BCL10: variants seen among roughly 807,000 people sequenced by gnomAD.
BCL10 encodes the protein B-cell lymphoma/leukemia 10.
In BCL10, 5 loss-of-function variants were observed where a neutral mutation model predicts 19.2. That is an observed-to-expected ratio of 0.26 (90% CI 0.14 to 0.55). The LOEUF (loss-of-function observed/expected upper bound fraction) is 0.55. Among genes scored for constraint, BCL10 ranks in the 20% least tolerant of loss-of-function variants. BCL10 has a pLI of 0.94. For synonymous variants in BCL10, 110 were observed against 98.8 expected, an observed-to-expected ratio of 1.11 and a Z score of -0.67; for missense variants, 201 against 271.9, an observed-to-expected ratio of 0.74 and a Z score of 1.83.
intron 1 of BCL10, among the ~76,000 whole-genome samples, chr1:85,275,844 G>A (rs1660508308): frequency 6.6e-6 from 1 of 152,168 alleles, no homozygotes; most frequent in African/African-American, 2.4e-5. Context: ...GCTTCCTCAA[G>A]CCCCCTTATG....
In BCL10 at chr1:85,267,260, A is replaced by G. The variant is rs1660225553; in HGVS notation, c.*367T>C. The G allele has an allele frequency of 4.4e-6, 1 of 229,084 alleles. No homozygotes were observed. The highest frequency in any genetic ancestry group is 2.2e-5 in the African/African-American group (1 of 44,696). The allele number at this position is 229,084 out of a possible 1,614,324, so 14.2% of individuals were successfully genotyped here. ...CTGAATGACTGGCAAAGACTATTAGACTCTTGAAAATTTCTAGCACAAATG... is the reference window on the plus strand; with the variant it reads ...CTGAATGACTGGCAAAGACTATTAGGCTCTTGAAAATTTCTAGCACAAATG... On this transcript the variant is annotated 3_prime_UTR_variant, in exon 3 of 3. Transcript: ENST00000648566.
rs926105268 is a variant in BCL10, at chr1:85,265,954, C to T, written c.*1673G>A. On this transcript the variant is annotated 3_prime_UTR_variant, in exon 3 of 3. Coordinates refer to ENST00000648566, the MANE Select transcript of BCL10 (RefSeq NM_003921.5). ...AAGTCTGCTTCTGCTTTTTAAAGCACCTTCCTTAAATGTAACCTATTTTCT... is the reference window on the plus strand; with the variant it reads ...AAGTCTGCTTCTGCTTTTTAAAGCATCTTCCTTAAATGTAACCTATTTTCT... 1.3e-5 allele frequency among the ~76,000 whole-genome samples: 2 copies of T among 152,166 alleles called. No homozygotes were observed.
intron 2 of BCL10, among the ~76,000 whole-genome samples, chr1:85,268,477 C>T (rs569982108): frequency 6.2e-4 from 94 of 152,028 alleles, no homozygotes; most frequent in Admixed American, 1.8e-3. Context: ...TTATTAAAGA[C>T]GAGAAAAAAG....
rs1660230083 is a variant in BCL10, at chr1:85,267,440, T to C, written c.*187A>G. The C allele has an allele frequency of 2.0e-6, 1 of 500,896 alleles. No homozygotes were observed. Among genetic ancestry groups the C allele is most frequent in the Non-Finnish European group, 3.4e-6 (1 of 291,030 alleles). The allele number at this position is 500,896 out of a possible 1,614,324, so 31.0% of individuals were successfully genotyped here. A position where few individuals can be genotyped will look rare whatever the true frequency, so the allele number is the denominator to read the frequency against. ...ATTACTAAAAAGTACATGATCAACATGATTTACAGTTAGCTATCCTAGAAG... is the reference window on the plus strand; with the variant it reads ...ATTACTAAAAAGTACATGATCAACACGATTTACAGTTAGCTATCCTAGAAG... On this transcript the variant is annotated 3_prime_UTR_variant, in exon 3 of 3. Coordinates refer to ENST00000648566, the MANE Select transcript of BCL10 (RefSeq NM_003921.5).
chr1:85,276,443 G>T lies in BCL10; in HGVS notation c.-91C>A. On this transcript the variant is annotated 5_prime_UTR_variant, in exon 1 of 3. Transcript: ENST00000648566. Reference sequence around the variant, plus strand: ...TGGGGGCTTCGGCCTCCGGGTAATGGGGAAGAAGGAGAGGAGGCGGAGCGG... The same window carrying T: ...TGGGGGCTTCGGCCTCCGGGTAATGTGGAAGAAGGAGAGGAGGCGGAGCGG... The T allele has an allele frequency of 6.9e-7, 1 of 1,446,374 alleles. No homozygotes were observed. Among genetic ancestry groups the T allele is most frequent in the Non-Finnish European group, 9.7e-7 (1 of 1,033,614 alleles). 89.6% of individuals were successfully genotyped at this position (1,446,374 alleles called of 1,614,324 possible).
Position 85,276,411 on chromosome 1 carries a change from C to G in BCL10, c.-59G>C. The stretch of plus-strand genomic sequence containing the variant: ...CGGGAGCTCGGGCTGCGCCGCCCCG[C>G]CCTGGCTGGGGGCTTCGGCCTCCGG... On this transcript the variant is annotated 5_prime_UTR_variant, in exon 1 of 3. Transcript: ENST00000648566. 6.3e-7 allele frequency: 1 copy of G among 1,589,842 alleles called. No homozygotes were observed. The highest frequency in any genetic ancestry group is 2.2e-5 in the East Asian group (1 of 44,716).
Position 85,276,161 on chromosome 1 carries a change from G to A in BCL10, c.57+135C>T. Reference sequence around the variant, plus strand: ...TCCCTCGGATGCAGGGCTCGCCACAGTCCTCCTGTGCTAGGACTTTCCGCT... The same window carrying A: ...TCCCTCGGATGCAGGGCTCGCCACAATCCTCCTGTGCTAGGACTTTCCGCT... On this transcript the variant is annotated intron_variant, in intron 1 of 2. Transcript: ENST00000648566. The A allele has an allele frequency of 1.7e-5, 19 of 1,106,442 alleles. No individual in the cohort carries two copies. In the South Asian group the frequency reaches 2.5e-4, roughly 14 times the overall value. 68.5% of individuals were successfully genotyped at this position (1,106,442 alleles called of 1,614,324 possible).
chr1:85,270,962 A>C, intron 1 of BCL10, 56 bp from the exon 2 acceptor site: 3 of 1,526,016 alleles, frequency 2.0e-6, no homozygotes, highest in Non-Finnish European at 2.7e-6. Flanking sequence ...AAAATCACAT[A>C]CGTGACTATT....
At chr1:85,273,119 G>A (rs778193166) in intron 1 of BCL10, among the ~76,000 whole-genome samples, 2 of 152,106 alleles carry the variant, frequency 1.3e-5, no homozygotes, top group Non-Finnish European at 2.9e-5. Flanking sequence ...TAGGCACCCC[G>A]TCCTCTGTCC....
chr1:85,272,810 A>G (rs1660403146), intron 1 of BCL10, among the ~76,000 whole-genome samples: 1 of 152,138 alleles, frequency 6.6e-6, no homozygotes, highest in African/African-American at 2.4e-5. Context: ...AGGAGGACTA[A>G]ATGGGAATAC....
intron 1 of BCL10, among the ~76,000 whole-genome samples, chr1:85,273,384 C>A (rs1660419294): frequency 2.6e-5 from 4 of 152,156 alleles, no homozygotes; most frequent in Admixed American, 1.3e-4. Flanking sequence ...TCTTCCCATC[C>A]CTGTGGATAC....
At chr1:85,271,931 G>A (rs1660379053) in intron 1 of BCL10, among the ~76,000 whole-genome samples, 1 of 152,166 alleles carries the variant, frequency 6.6e-6, no homozygotes, top group Non-Finnish European at 1.5e-5. Flanking sequence ...TATGCCGAGT[G>A]CTGAGCACTG....
chr1:85,268,768 C>CAAAAA (rs57560275), intron 2 of BCL10, among the ~76,000 whole-genome samples: 2 of 67,070 alleles, frequency 3.0e-5, no homozygotes, highest in Admixed American at 1.6e-4. Flanking sequence ...GACTCCGTCT[C>CAAAAA]AAAAAAAAAA....
chr1:85,274,652 T>G (rs886217930), intron 1 of BCL10, among the ~76,000 whole-genome samples: 40 of 152,144 alleles, frequency 2.6e-4, no homozygotes, highest in African/African-American at 7.7e-4. Flanking sequence ...TTTGACAAGG[T>G]GAGCAATCTG....
chr1:85,270,449 T>G (rs1660339333), intron 2 of BCL10, among the ~76,000 whole-genome samples, 169 bp downstream of exon 2: 1 of 152,168 alleles, frequency 6.6e-6, no homozygotes, highest in South Asian at 2.1e-4. Flanking sequence ...ATTTTTTAAT[T>G]TTTTGTAGAG....
At chr1:85,274,508 T>G (rs1660457585) in intron 1 of BCL10, among the ~76,000 whole-genome samples, 1 of 151,976 alleles carries the variant, frequency 6.6e-6, no homozygotes, top group Non-Finnish European at 1.5e-5. Flanking sequence ...GGCAAATAAC[T>G]AGATAGGAGG....
At position 85,276,481 on chromosome 1, in the gene BCL10, A is replaced by C; in HGVS notation, c.-129T>G. Reference sequence around the variant, plus strand: ...GGAGGCGGAGCGGGTCGGGAGAAAGACGGCCGCCCCTTCGGGAACAGAGGG... The same window carrying C: ...GGAGGCGGAGCGGGTCGGGAGAAAGCCGGCCGCCCCTTCGGGAACAGAGGG... On this transcript the variant is annotated 5_prime_UTR_variant, in exon 1 of 3. Transcript: ENST00000648566. 9.5e-7 allele frequency: 1 copy of C among 1,054,594 alleles called. No individual in the cohort carries two copies. The highest frequency in any genetic ancestry group is 1.4e-6 in the Non-Finnish European group (1 of 710,182). The allele number at this position is 1,054,594 out of a possible 1,614,324, so 65.3% of individuals were successfully genotyped here. A position where few individuals can be genotyped will look rare whatever the true frequency, so the allele number is the denominator to read the frequency against.
chr1:85,266,156 C>T lies in BCL10; in HGVS notation c.*1471G>A, dbSNP rs1269820612. On this transcript the variant is annotated 3_prime_UTR_variant, in exon 3 of 3. Transcript: ENST00000648566. ...CAGAAATGCAACTCAATCTCACAAC[C>T]TGAAGTAATGTTTTCTATAGATAAT... The T allele has an allele frequency of 1.1e-5, 2 of 187,302 alleles. No homozygotes were observed. Among genetic ancestry groups the T allele is most frequent in the Non-Finnish European group, 1.1e-5 (1 of 88,870 alleles). The allele number at this position is 187,302 out of a possible 1,614,324, so 11.6% of individuals were successfully genotyped here.
In BCL10 at chr1:85,267,629, A is replaced by T; in HGVS notation, c.700T>A (p.Ter234ArgextTer6). The change falls in exon 3 of 3, where the codon TGA becomes AGA. Residue 234 changes from the stop codon to arginine, a stop_lost. Transcript: ENST00000648566. ...AAAAATTAAAAGGCAATAAAGTGTC[A>T]TTGTCGTGAAACAGTACGTGATCTT... ...PLRSRTVSRQ[*>R] The T allele has an allele frequency of 6.4e-7, 1 of 1,568,048 alleles. No individual in the cohort carries two copies. The highest frequency in any genetic ancestry group is 2.3e-5 in the East Asian group (1 of 44,420).
Sources: allele counts gnomAD v4.1 joint callset (sites outside exome capture counted in the v4.1 genomes callset), GRCh38; gene constraint gnomAD v4.1.1; transcripts MANE v1.5; gene names NCBI Gene and HGNC (gene_info 2026-07-23, HGNC 2026-07-21).